CCDC178: variants seen among roughly 807,000 people sequenced by gnomAD.
CCDC178 encodes the protein coiled-coil domain containing 178.
A neutral mutation model predicts 117.4 loss-of-function variants in CCDC178; 126 were observed. That is an observed-to-expected ratio of 1.07 (90% confidence interval 0.93 to 1.24). The LOEUF (loss-of-function observed/expected upper bound fraction) is 1.24, where lower values mean the gene tolerates loss of function less well. Ranked by LOEUF, CCDC178 falls within the 50% of genes most tolerant of loss-of-function variation. The pLI is 0.00. For missense variants in CCDC178, 1,030 were observed against 986.9 expected, an observed-to-expected ratio of 1.04 and a Z score of -0.59; for synonymous variants, 283 against 313.4, an observed-to-expected ratio of 0.90 and a Z score of 1.02.
chr18:33,400,997 T>G (rs2144860813), intron 3 of CCDC178, among the ~76,000 whole-genome samples: 1 of 152,292 alleles, frequency 6.6e-6, no homozygotes, highest in African/African-American at 2.4e-5. Flanking sequence ...AATATTGTTA[T>G]GTCTCAGGGA....
intron 20 of CCDC178, among the ~76,000 whole-genome samples, chr18:33,138,435 C>A (rs1042168378): frequency 7.9e-5 from 12 of 152,222 alleles, no homozygotes. Flanking sequence ...CCAGTCTTTT[C>A]GTCAGTGCCG....
intron 21 of CCDC178, among the ~76,000 whole-genome samples, chr18:33,021,581 T>C (rs2056118164): frequency 6.6e-6 from 1 of 152,094 alleles, no homozygotes; most frequent in Non-Finnish European, 1.5e-5. Flanking sequence ...ACTTTTCCCT[T>C]GACTATTGGT....
chr18:32,960,238 A>G (rs2054680034), intron 22 of CCDC178, among the ~76,000 whole-genome samples: 1 of 152,232 alleles, frequency 6.6e-6, no homozygotes, highest in African/African-American at 2.4e-5. Flanking sequence ...ATCCACAGGC[A>G]CTCATGGATA....
intron 20 of CCDC178, among the ~76,000 whole-genome samples, chr18:33,110,848 C>G (rs1389910002): frequency 6.6e-6 from 1 of 151,564 alleles, no homozygotes; most frequent in Non-Finnish European, 1.5e-5. Flanking sequence ...GCAGTAATTT[C>G]TCAACTTTGT....
In CCDC178 at chr18:33,032,766, A is replaced by C. The variant is rs138772917; in HGVS notation, c.2389-58085T>G. ...AGTTTGGGTACAGATTTGGGGTAAGAATTGACAGAGGAGAGACAAATGCAA... is the reference window on the plus strand; with the variant it reads ...AGTTTGGGTACAGATTTGGGGTAAGCATTGACAGAGGAGAGACAAATGCAA... On this transcript the variant is annotated intron_variant, in intron 21 of 22. Coordinates refer to ENST00000383096, the MANE Select transcript of CCDC178 (RefSeq NM_001105528.4). Among the ~76,000 whole-genome samples the C allele has an allele frequency of 1.8e-3, 276 of 152,162 alleles. 2 individuals are homozygous for C. Among genetic ancestry groups the C allele is most frequent in the African/African-American group, 6.4e-3 (265 of 41,518 alleles).
intron 20 of CCDC178, among the ~76,000 whole-genome samples, chr18:33,193,063 T>C (rs1286435291): frequency 6.7e-6 from 1 of 149,144 alleles, no homozygotes; most frequent in Non-Finnish European, 1.5e-5. Flanking sequence ...ATTGAGACCA[T>C]CTTGGCTTAC....
intron 21 of CCDC178, among the ~76,000 whole-genome samples, chr18:33,088,054 T>A (rs901442478): frequency 6.6e-6 from 1 of 152,216 alleles, no homozygotes; most frequent in East Asian, 1.9e-4. Flanking sequence ...AATTCTTCTC[T>A]TGGTGGGGTG....
intron 21 of CCDC178, among the ~76,000 whole-genome samples, chr18:33,039,921 C>T (rs1325198881): frequency 2.0e-5 from 3 of 151,816 alleles, no homozygotes; most frequent in African/African-American, 4.8e-5. Context: ...GGATCGACTA[C>T]AATTGCTGAC....
intron 14 of CCDC178, among the ~76,000 whole-genome samples, chr18:33,252,964 T>C (rs974388798): frequency 2.6e-5 from 4 of 151,822 alleles, no homozygotes; most frequent in East Asian, 1.9e-4. Flanking sequence ...AAATCTAAGT[T>C]AATCAATTTC....
At position 33,187,086 on chromosome 18, in the gene CCDC178, GGA is replaced by G. The variant is rs58400297; in HGVS notation, c.2238+24808_2238+24809del. Among the ~76,000 whole-genome samples the G allele has an allele frequency of 8.9e-4, 124 of 139,926 alleles. 1 individual carries two copies. The highest frequency in any genetic ancestry group is 8.1e-3 in the East Asian group (37 of 4,570). The allele number at this position is 139,926 out of a possible 152,430, so 91.8% of individuals were successfully genotyped here. On this transcript the variant is annotated intron_variant, in intron 20 of 22. Coordinates refer to ENST00000383096, the MANE Select transcript of CCDC178 (RefSeq NM_001105528.4). ...ACAAGGCACATCTTACATGGCGGCA[GGA>G]GAGAGAGAGAGAGAGAGAGAGAGAG...
At chr18:33,082,777 T>G (rs1163270557) in intron 21 of CCDC178, among the ~76,000 whole-genome samples, 1 of 151,614 alleles carries the variant, frequency 6.6e-6, no homozygotes, top group Non-Finnish European at 1.5e-5. Context: ...TAAAATAAAA[T>G]AATCACATCT....
intron 6 of CCDC178, among the ~76,000 whole-genome samples, chr18:33,359,487 A>G (rs2063098796): frequency 6.6e-6 from 1 of 151,696 alleles, no homozygotes; most frequent in Non-Finnish European, 1.5e-5. Flanking sequence ...GTTAACACAG[A>G]GAAGGCCTAC....
At chr18:33,363,808 T>C (rs2063161656) in intron 6 of CCDC178, among the ~76,000 whole-genome samples, 1 of 152,072 alleles carries the variant, frequency 6.6e-6, no homozygotes, top group Non-Finnish European at 1.5e-5. Context: ...GATATAAAAC[T>C]GTTTTAAGAA....
chr18:33,400,552 C>A (rs975955546), intron 3 of CCDC178, among the ~76,000 whole-genome samples: 1 of 152,196 alleles, frequency 6.6e-6, no homozygotes, highest in African/African-American at 2.4e-5. Context: ...CCTTAGACTT[C>A]ATGAACCAAC....
At chr18:33,387,787 G>A (rs2063514881) in intron 5 of CCDC178, among the ~76,000 whole-genome samples, 4 of 152,088 alleles carry the variant, frequency 2.6e-5, no homozygotes, top group Admixed American at 2.6e-4. Context: ...ATACTATTCA[G>A]GACATAGGCA....
At chr18:33,147,217 G>A (rs979501902) in intron 20 of CCDC178, among the ~76,000 whole-genome samples, 35 of 140,078 alleles carry the variant, frequency 2.5e-4, no homozygotes, top group African/African-American at 9.2e-4. Flanking sequence ...TCAAATCAAA[G>A]TACCAGGAGG....
chr18:32,969,528 T>C (rs1397601441), intron 22 of CCDC178, among the ~76,000 whole-genome samples: 2 of 152,058 alleles, frequency 1.3e-5, no homozygotes, highest in Admixed American at 6.6e-5. Flanking sequence ...ACAAACTATA[T>C]ATACCAACCC....
intron 21 of CCDC178, among the ~76,000 whole-genome samples, chr18:33,012,696 T>C (rs1449859574): frequency 6.6e-6 from 1 of 152,198 alleles, no homozygotes; most frequent in African/African-American, 2.4e-5. Flanking sequence ...TTCCACTGTC[T>C]TCTTTTAAAT....
chr18:33,278,508 T>G (rs945679772), intron 12 of CCDC178, among the ~76,000 whole-genome samples: 2 of 151,936 alleles, frequency 1.3e-5, no homozygotes, highest in African/African-American at 4.8e-5. Context: ...TTTTATTTTA[T>G]GCCTAAACAT....
Sources: gnomAD v4.1 joint callset for allele counts (sites outside exome capture counted in the v4.1 genomes callset) on GRCh38, gnomAD v4.1.1 for gene constraint, MANE v1.5 for transcripts, NCBI Gene and HGNC (gene_info 2026-07-23, HGNC 2026-07-21) for gene names.